Variants in PLAC1 observed in about 807,000 individuals in gnomAD.
The protein encoded by PLAC1 is placenta associated 1, also known as placenta-specific protein 1.
For missense variants in PLAC1, 136 were observed against 163.2 expected (o/e 0.83, Z 0.91); for synonymous variants, 68 against 62.1 (o/e 1.09, Z -0.44).
chrX:134,719,607 T>C (rs1301149547), intron 2 of PLAC1, among the ~76,000 whole-genome samples: 1 of 111,015 alleles, frequency 9.0e-6, no homozygotes, highest in Non-Finnish European at 1.9e-5. Context: ...CTGGCCAACA[T>C]GGCGAAACCC....
intron 2 of PLAC1, among the ~76,000 whole-genome samples, chrX:134,580,051 G>GAGGTTCA (rs2077966739): frequency 1.8e-5 from 2 of 112,357 alleles, no homozygotes; most frequent in South Asian, 7.4e-4. Flanking sequence ...AGAACAGAAA[G>GAGGTTCA]AGGTTCAAGG....
intron 1 of PLAC1, among the ~76,000 whole-genome samples, chrX:134,745,278 C>T (rs1372324387): frequency 9.0e-6 from 1 of 111,609 alleles, no homozygotes; most frequent in Non-Finnish European, 1.9e-5. Context: ...AAACCCACTG[C>T]AAACTTTCCT....
intron 1 of PLAC1, among the ~76,000 whole-genome samples, chrX:134,742,237 G>A (rs1250669377): frequency 8.8e-6 from 1 of 113,020 alleles, no homozygotes; most frequent in Non-Finnish European, 1.9e-5. Flanking sequence ...CCCTGCCCAG[G>A]CACTGAGAGC....
At chrX:134,699,831 T>TA (rs2078576666) in intron 2 of PLAC1, among the ~76,000 whole-genome samples, 1 of 111,853 alleles carries the variant, frequency 8.9e-6, no homozygotes, top group Non-Finnish European at 1.9e-5. Context: ...CAAGATCAAA[T>TA]AAAAAATCAT....
chrX:134,681,955 C>A (rs2078498420), intron 2 of PLAC1, among the ~76,000 whole-genome samples: 1 of 111,757 alleles, frequency 8.9e-6, no homozygotes, highest in Non-Finnish European at 1.9e-5. Flanking sequence ...GTTGTGTCCT[C>A]ATATTGAGTC....
At position 134,722,379 on chromosome X, in the gene PLAC1, A is replaced by G. The variant is rs1480038729; in HGVS notation, n.174+11056T>C. On this transcript the variant is annotated intron_variant and non_coding_transcript_variant, in intron 2 of 2. Transcript: ENST00000466797. The stretch of plus-strand genomic sequence containing the variant: ...GAATGAAGCACTGATTCATGCTACA[A>G]TGTGGATAAACCTTGAAAACATTCA... 7.1e-5 allele frequency among the ~76,000 whole-genome samples: 8 copies of G among 112,740 alleles called. No homozygotes were observed. In the Admixed American group the frequency reaches 7.6e-4, roughly 11 times the overall value.
rs1602874141 is a variant in PLAC1, at chrX:134,648,516, T to C, written c.-131+9812A>G. ...GCCTGGCCAACATGGCGAAACCCCG[T>C]CTCTACTAAAAATACAAAAATCAGC... On this transcript the variant is annotated intron_variant, in intron 1 of 2. Transcript: ENST00000359237. Among the ~76,000 whole-genome samples, 3 of 110,738 alleles carry C rather than the reference T, an allele frequency of 2.7e-5. No individual in the cohort carries two copies. The Admixed American group carries it at 2.9e-4, about 11-fold the overall frequency.
At chrX:134,593,905 G>T (rs780787606) in intron 2 of PLAC1, among the ~76,000 whole-genome samples, 6 of 110,768 alleles carry the variant, frequency 5.4e-5, no homozygotes, top group Admixed American at 9.6e-5. Context: ...TCCTTTTCTG[G>T]ACTTTCTGTA....
chrX:134,638,474 G>A lies in PLAC1; in HGVS notation c.-131+19854C>T, dbSNP rs190999679. ...TGCAAGTATTCTATGAATGTCATAC[G>A]ATGATTCAAATAGAAAATCAGTTAA... On this transcript the variant is annotated intron_variant, in intron 1 of 2. Transcript: ENST00000359237. 1.5e-3 allele frequency among the ~76,000 whole-genome samples: 163 copies of A among 112,315 alleles called. 1 individual carries two copies. Among genetic ancestry groups the A allele is most frequent in the Middle Eastern group, 0.014 (3 of 216 alleles).
intron 1 of PLAC1, among the ~76,000 whole-genome samples, chrX:134,607,825 C>T (rs1390541027): frequency 9.1e-6 from 1 of 110,477 alleles, no homozygotes; most frequent in Non-Finnish European, 1.9e-5. Context: ...GTGAGAGCCT[C>T]GGCACTAGAG....
intron 1 of PLAC1, among the ~76,000 whole-genome samples, chrX:134,753,388 G>A (rs952525641): frequency 9.0e-6 from 1 of 111,245 alleles, no homozygotes; most frequent in Non-Finnish European, 1.9e-5. Flanking sequence ...AGAAGCAATG[G>A]CAAAGATGAT....
intron 2 of PLAC1, among the ~76,000 whole-genome samples, chrX:134,677,979 G>C (rs1401607237): frequency 9.0e-6 from 1 of 111,273 alleles, no homozygotes; most frequent in African/African-American, 3.3e-5. Context: ...CAGTGGATTA[G>C]ATGTGGGGGA....
intron 2 of PLAC1, among the ~76,000 whole-genome samples, chrX:134,700,736 CA>C (rs1177160526): frequency 9.0e-6 from 1 of 111,695 alleles, no homozygotes; most frequent in Admixed American, 9.5e-5. Context: ...TAACCAAAGA[CA>C]TGAAAGATCT....
chrX:134,645,616 T>C (rs2078329221), intron 1 of PLAC1, among the ~76,000 whole-genome samples: 1 of 112,011 alleles, frequency 8.9e-6, no homozygotes, highest in South Asian at 3.7e-4. Context: ...CAGGATCCAT[T>C]GACTCTGATC....
At chrX:134,692,815 C>G (rs772615498) in intron 2 of PLAC1, among the ~76,000 whole-genome samples, 162 of 111,538 alleles carry the variant, frequency 1.5e-3, no homozygotes, top group South Asian at 2.7e-3. Flanking sequence ...TCTCTCCCCC[C>G]ACACGCACAA....
intron 1 of PLAC1, among the ~76,000 whole-genome samples, chrX:134,745,888 G>GT (rs774711019): frequency 6.3e-5 from 7 of 111,543 alleles, no homozygotes; most frequent in Non-Finnish European, 1.1e-4. Context: ...CCAAACCACA[G>GT]TGAGTCCAGT....
rs756250051 is a variant in PLAC1 at position 134,566,069 on chromosome X, G to C, written c.614C>G (p.Thr205Arg). 4.1e-6 allele frequency: 5 copies of C among 1,209,534 alleles called. No individual in the cohort carries two copies. Among genetic ancestry groups the C allele is most frequent in the Non-Finnish European group, 5.6e-6 (5 of 893,549 alleles). Reference sequence around the variant, plus strand: ...TCACATGGACCCAATCATATCATCTGTGTGAAGAGACCAATCCTCAGAAAT... The same window carrying C: ...TCACATGGACCCAATCATATCATCTCTGTGAAGAGACCAATCCTCAGAAAT... ...LDISEDWSLH[T>R]DDMIGSM The change falls in exon 3 of 3, where the codon ACA (threonine) becomes AGA (arginine). Residue 205 changes from threonine to arginine, a missense_variant. Transcript: ENST00000359237.
At chrX:134,696,950 G>T (rs1360612473) in intron 2 of PLAC1, among the ~76,000 whole-genome samples, 3 of 107,936 alleles carry the variant, frequency 2.8e-5, no homozygotes, top group African/African-American at 1.0e-4. Flanking sequence ...GAAGAATGGC[G>T]TGAACCCGGG....
At chrX:134,738,498 C>T (rs754398038) in intron 1 of PLAC1, among the ~76,000 whole-genome samples, 1 of 112,025 alleles carries the variant, frequency 8.9e-6, no homozygotes, top group African/African-American at 3.2e-5. Context: ...CCCAAGCCAA[C>T]TGAGCAAATC....
Sources: allele counts gnomAD v4.1 joint callset (sites outside exome capture counted in the v4.1 genomes callset), GRCh38; gene constraint gnomAD v4.1.1; transcripts MANE v1.5; gene names NCBI Gene and HGNC (gene_info 2026-07-23, HGNC 2026-07-21).